The following BBOX1 variants were observed in gnomAD, a reference collection of about 807,000 sequenced individuals.
BBOX1 encodes gamma-butyrobetaine dioxygenase.
In BBOX1, 35 loss-of-function variants were observed where a neutral mutation model predicts 41.6. The ratio of observed to expected loss-of-function variants is 0.84; its 90% CI spans 0.64 to 1.11. BBOX1 has a LOEUF of 1.11. Among genes scored for constraint, BBOX1 ranks in the 50% most tolerant of loss-of-function variants. The pLI is 0.00. For synonymous variants in BBOX1, 163 were observed against 154.7 expected (o/e 1.05, Z -0.40); for missense variants, 458 against 460.6 (o/e 0.99, Z 0.05).
intron 5 of BBOX1, among the ~76,000 whole-genome samples, chr11:27,095,459 A>G (rs904595597): frequency 5.9e-5 from 9 of 151,980 alleles, no homozygotes; most frequent in African/African-American, 2.2e-4. Flanking sequence ...TGGAATAAAT[A>G]CTAAAGGTCT....
chr11:27,049,462 T>C (rs1017728788), intron 2 of BBOX1, among the ~76,000 whole-genome samples: 3 of 152,090 alleles, frequency 2.0e-5, no homozygotes, highest in African/African-American at 7.2e-5. Flanking sequence ...GTTGGCCACG[T>C]TGGCCTCAAA....
intron 6 of BBOX1, among the ~76,000 whole-genome samples, chr11:27,116,203 C>A (rs1859253355): frequency 6.6e-6 from 1 of 151,880 alleles, no homozygotes; most frequent in Non-Finnish European, 1.5e-5. Flanking sequence ...CCATCATTCT[C>A]AGCAAACTAA....
chr11:27,090,614 A>G (rs146292087), intron 4 of BBOX1, among the ~76,000 whole-genome samples: 224 of 152,026 alleles, frequency 1.5e-3, no homozygotes, highest in African/African-American at 4.9e-3. Flanking sequence ...CGGTGCACGT[A>G]TTGTCTGGAT....
intron 2 of BBOX1, chr11:27,046,243 G>T (rs1851483573): frequency 6.6e-6 from 1 of 151,982 alleles, no homozygotes; most frequent in African/African-American, 2.4e-5. Flanking sequence ...TCCAAACAGT[G>T]CTGAAGAATC....
chr11:27,054,312 A>G lies in BBOX1; in HGVS notation c.-38-1081A>G, dbSNP rs1288750492. Among the ~76,000 whole-genome samples, 3 of 151,452 alleles carry G rather than the reference A, an allele frequency of 2.0e-5. No homozygotes were observed. In the East Asian group the frequency reaches 5.8e-4, roughly 29 times the overall value. ...AGTATTGTTTCCATTGTCATATGTCACCTTCTGTTAATGATGAGCAGATCA... is the reference window on the plus strand; with the variant it reads ...AGTATTGTTTCCATTGTCATATGTCGCCTTCTGTTAATGATGAGCAGATCA... On this transcript the variant is annotated intron_variant, in intron 2 of 8. Coordinates refer to ENST00000263182, the MANE Select transcript of BBOX1 (RefSeq NM_003986.3).
intron 4 of BBOX1, chr11:27,063,106 G>A (rs1857180358): frequency 6.6e-6 from 1 of 152,160 alleles, no homozygotes; most frequent in Admixed American, 6.5e-5. Context: ...GATGGAGGAG[G>A]GTGTAGAATC....
At chr11:27,085,765 C>T (rs899406235) in intron 4 of BBOX1, among the ~76,000 whole-genome samples, 1 of 152,034 alleles carries the variant, frequency 6.6e-6, no homozygotes, top group African/African-American at 2.4e-5. Flanking sequence ...TGAGGGAGGC[C>T]AAAAGCTAGG....
rs1590221571 is a variant in BBOX1, at chr11:27,112,236, T to G, written c.534-3216T>G. On this transcript the variant is annotated intron_variant, in intron 5 of 8. Transcript: ENST00000263182. The stretch of plus-strand genomic sequence containing the variant: ...ACTTAAAGCATATAGCAGTTGTTAT[T>G]AATGAGCAAGTTTAAACACAGTGTC... 2.0e-5 allele frequency among the ~76,000 whole-genome samples: 3 copies of G among 152,058 alleles called. 1 individual carries two copies. The East Asian group carries it at 5.8e-4, about 29-fold the overall frequency.
chr11:27,119,473 C>CA (rs879498625), intron 6 of BBOX1, among the ~76,000 whole-genome samples, 176 bp from the exon 7 acceptor site: 23 of 145,108 alleles, frequency 1.6e-4, no homozygotes, highest in African/African-American at 2.5e-4. Context: ...ATAAGAAAGA[C>CA]AAAAAAAAAA....
intron 8 of BBOX1, among the ~76,000 whole-genome samples, chr11:27,126,280 T>C (rs1378681091): frequency 6.6e-6 from 1 of 152,194 alleles, no homozygotes; most frequent in Non-Finnish European, 1.5e-5. Context: ...AGATGGAAGA[T>C]TCTTTTCCTT....
chr11:27,057,341 CT>C (rs1857016692), intron 4 of BBOX1, 26 bp downstream of exon 4: 1 of 1,532,416 alleles, frequency 6.5e-7, no homozygotes, highest in Admixed American at 1.7e-5. Flanking sequence ...TCTTCAATGT[CT>C]TTTTAAACCC....
chr11:27,119,876 A>G, intron 7 of BBOX1, 31 bp downstream of exon 7: 5 of 1,255,596 alleles, frequency 4.0e-6, no homozygotes, highest in Non-Finnish European at 5.2e-6. Flanking sequence ...TCCCATAGCA[A>G]TAAAAGAATT....
At chr11:27,045,266 G>C (rs2133941373) in intron 2 of BBOX1, among the ~76,000 whole-genome samples, 1 of 152,240 alleles carries the variant, frequency 6.6e-6, no homozygotes, top group African/African-American at 2.4e-5. Flanking sequence ...TGTGATTTTT[G>C]CACATTGATT....
chr11:27,097,645 A>T (rs1858487852), intron 5 of BBOX1, among the ~76,000 whole-genome samples: 1 of 152,066 alleles, frequency 6.6e-6, no homozygotes, highest in Non-Finnish European at 1.5e-5. Flanking sequence ...GAAGGAACAG[A>T]CTGAAAAGTA....
chr11:27,050,484 A>G (rs1334070144), intron 2 of BBOX1, among the ~76,000 whole-genome samples: 2 of 152,154 alleles, frequency 1.3e-5, no homozygotes, highest in Non-Finnish European at 1.5e-5. Flanking sequence ...ATCCAAGAAC[A>G]CAGAGTATTG....
At chr11:27,061,590 G>C (rs1407487879) in intron 4 of BBOX1, among the ~76,000 whole-genome samples, 1 of 152,156 alleles carries the variant, frequency 6.6e-6, no homozygotes, top group Non-Finnish European at 1.5e-5. Flanking sequence ...ATTTGTGAAA[G>C]GATTTTGTTT....
chr11:27,078,766 G>A lies in BBOX1; in HGVS notation c.335-14402G>A, dbSNP rs115659862. 8.0e-3 allele frequency among the ~76,000 whole-genome samples: 1,214 copies of A among 152,294 alleles called. 18 individuals carry two copies. The highest frequency in any genetic ancestry group is 0.028 in the African/African-American group (1,146 of 41,580). ...AGTGCTTCACTCATGAAATAACATG[G>A]TGTTAACAGAAAGAGCATACACTTT... On this transcript the variant is annotated intron_variant, in intron 4 of 8. Transcript: ENST00000263182.
At chr11:27,052,351 T>C (rs781469982) in intron 2 of BBOX1, among the ~76,000 whole-genome samples, 4 of 152,098 alleles carry the variant, frequency 2.6e-5, no homozygotes, top group Non-Finnish European at 5.9e-5. Context: ...TATCTGATTC[T>C]AACCCTTTAA....
At chr11:27,099,758 T>C (rs943671146) in intron 5 of BBOX1, among the ~76,000 whole-genome samples, 2 of 152,126 alleles carry the variant, frequency 1.3e-5, no homozygotes, top group African/African-American at 4.8e-5. Context: ...GATCCTCCTC[T>C]ACTGCGGACT....
Sources: allele counts gnomAD v4.1 joint callset (sites outside exome capture counted in the v4.1 genomes callset), GRCh38; gene constraint gnomAD v4.1.1; transcripts MANE v1.5; gene names NCBI Gene and HGNC (gene_info 2026-07-23, HGNC 2026-07-21).